HS6ST3: variants seen among roughly 807,000 people sequenced by gnomAD.
HS6ST3 encodes the protein heparan-sulfate 6-O-sulfotransferase 3.
HS6ST3 carries 12 observed loss-of-function variants against 36.7 expected under a neutral mutation model. The observed-to-expected ratio is 0.33, with a 90% CI of 0.21 to 0.53. The LOEUF (loss-of-function observed/expected upper bound fraction) is 0.53. Ranked by LOEUF, HS6ST3 falls within the 20% of genes least tolerant of loss-of-function variation. The pLI is 0.95. For synonymous variants in HS6ST3, 240 were observed against 257.5 expected, an observed-to-expected ratio of 0.93 and a Z score of 0.65; for missense variants, 584 against 640.9, an observed-to-expected ratio of 0.91 and a Z score of 0.96.
chr13:96,570,690 G>C (rs115006911), intron 1 of HS6ST3, among the ~76,000 whole-genome samples: 1 of 152,208 alleles, frequency 6.6e-6, no homozygotes, highest in Non-Finnish European at 1.5e-5. Flanking sequence ...AAAGCATGTT[G>C]GCAGGGGTAA....
chr13:96,239,798 A>G (rs1242754944), intron 1 of HS6ST3, among the ~76,000 whole-genome samples: 1 of 152,328 alleles, frequency 6.6e-6, no homozygotes, highest in Non-Finnish European at 1.5e-5. Flanking sequence ...CCTTTAAATC[A>G]ATGAAATTCC....
At chr13:96,216,098 A>G (rs1310266380) in intron 1 of HS6ST3, among the ~76,000 whole-genome samples, 1 of 152,190 alleles carries the variant, frequency 6.6e-6, no homozygotes, top group African/African-American at 2.4e-5. Flanking sequence ...TTCCTCATCC[A>G]TCCAACAATC....
chr13:96,720,770 TA>T, intron 1 of HS6ST3, among the ~76,000 whole-genome samples: 1 of 152,370 alleles, frequency 6.6e-6, no homozygotes, highest in South Asian at 2.1e-4. Flanking sequence ...TGTATCTTGA[TA>T]GGCCTCTGGC....
intron 1 of HS6ST3, among the ~76,000 whole-genome samples, chr13:96,401,991 T>C (rs2055454242): frequency 1.3e-5 from 2 of 152,216 alleles, no homozygotes; most frequent in South Asian, 4.1e-4. Flanking sequence ...TGTTTGTTTT[T>C]GAGATGATGT....
At chr13:96,337,482 C>T (rs2055107898) in intron 1 of HS6ST3, among the ~76,000 whole-genome samples, 1 of 152,158 alleles carries the variant, frequency 6.6e-6, no homozygotes, top group Non-Finnish European at 1.5e-5. Flanking sequence ...TCTATTCCTA[C>T]AGTTGTTTTC....
intron 1 of HS6ST3, among the ~76,000 whole-genome samples, chr13:96,335,338 G>A (rs569981587): frequency 1.3e-5 from 2 of 152,296 alleles, no homozygotes; most frequent in Non-Finnish European, 2.9e-5. Context: ...CCAAGTGATG[G>A]TATATTTACT....
At chr13:96,160,089 A>G (rs55799905) in intron 1 of HS6ST3, among the ~76,000 whole-genome samples, 3,364 of 152,364 alleles carry the variant, frequency 0.022, 65 homozygotes, top group Non-Finnish European at 0.036. Flanking sequence ...TAAGCACTCA[A>G]TAGCTAATAA....
rs576146323 is a variant in HS6ST3 at position 96,274,642 on chromosome 13, A to G, written c.707+183073A>G. ...TTTGGAAACAGCTAGCTGGAAAATGATGAGTTGTGGGGACAAGGGACTAAG... is the reference window on the plus strand; with the variant it reads ...TTTGGAAACAGCTAGCTGGAAAATGGTGAGTTGTGGGGACAAGGGACTAAG... On this transcript the variant is annotated intron_variant, in intron 1 of 1. Coordinates refer to ENST00000376705, the MANE Select transcript of HS6ST3 (RefSeq NM_153456.4). Among the ~76,000 whole-genome samples the G allele has an allele frequency of 7.9e-5, 12 of 152,244 alleles. No homozygotes were observed. The East Asian group carries it at 2.3e-3, about 29-fold the overall frequency.
At chr13:96,588,062 A>T (rs534554220) in intron 1 of HS6ST3, among the ~76,000 whole-genome samples, 4 of 152,134 alleles carry the variant, frequency 2.6e-5, no homozygotes, top group African/African-American at 9.7e-5. Flanking sequence ...GTTTGCTCTT[A>T]GTCAATAGAA....
chr13:96,173,224 T>G (rs2054196491), intron 1 of HS6ST3, among the ~76,000 whole-genome samples: 1 of 152,114 alleles, frequency 6.6e-6, no homozygotes, highest in Non-Finnish European at 1.5e-5. Flanking sequence ...CTCTGTAAAC[T>G]AGGTGTGATT....
chr13:96,496,075 G>C (rs1423484714), intron 1 of HS6ST3, among the ~76,000 whole-genome samples: 3 of 152,224 alleles, frequency 2.0e-5, no homozygotes, highest in Non-Finnish European at 4.4e-5. Context: ...AGGGTGAGAA[G>C]TGAGGGCAGT....
chr13:96,580,571 A>G (rs934553864), intron 1 of HS6ST3, among the ~76,000 whole-genome samples: 1 of 152,070 alleles, frequency 6.6e-6, no homozygotes, highest in Non-Finnish European at 1.5e-5. Context: ...TTTGACTTTG[A>G]ACCTTTTAAA....
intron 1 of HS6ST3, among the ~76,000 whole-genome samples, chr13:96,702,898 A>T (rs1875324902): frequency 6.6e-6 from 1 of 152,232 alleles, no homozygotes; most frequent in Non-Finnish European, 1.5e-5. Flanking sequence ...CAGGAATGAT[A>T]TACTTGGAAG....
At chr13:96,092,023 T>C (rs1404272046) in intron 1 of HS6ST3, among the ~76,000 whole-genome samples, 2 of 152,124 alleles carry the variant, frequency 1.3e-5, no homozygotes, top group Admixed American at 1.3e-4. Flanking sequence ...CCAGGCGTGG[T>C]GAAGCTGGAG....
At chr13:96,531,130 C>A (rs1000797223) in intron 1 of HS6ST3, among the ~76,000 whole-genome samples, 2 of 152,142 alleles carry the variant, frequency 1.3e-5, no homozygotes, top group African/African-American at 4.8e-5. Context: ...TCTACACACT[C>A]TCCTTTCTGC....
chr13:96,712,296 A>T (rs1214489668), intron 1 of HS6ST3, among the ~76,000 whole-genome samples: 1 of 152,182 alleles, frequency 6.6e-6, no homozygotes, highest in Non-Finnish European at 1.5e-5. Context: ...ACATAAATTC[A>T]TCTCTCTTGA....
intron 1 of HS6ST3, among the ~76,000 whole-genome samples, chr13:96,196,457 C>T (rs2054313145): frequency 6.6e-6 from 1 of 152,034 alleles, no homozygotes; most frequent in South Asian, 2.1e-4. Context: ...ACTGTGTTGA[C>T]AGAAATCCCC....
chr13:96,109,215 T>C (rs2053856809), intron 1 of HS6ST3, among the ~76,000 whole-genome samples: 1 of 152,162 alleles, frequency 6.6e-6, no homozygotes, highest in Admixed American at 6.5e-5. Flanking sequence ...ATACATGAGA[T>C]TTTCCGGTAG....
intron 1 of HS6ST3, among the ~76,000 whole-genome samples, chr13:96,619,723 C>G (rs1252492959): frequency 6.6e-6 from 1 of 152,188 alleles, no homozygotes; most frequent in Non-Finnish European, 1.5e-5. Context: ...CTATCTCATT[C>G]TGGTTATTGT....
Sources: allele counts gnomAD v4.1 joint callset (sites outside exome capture counted in the v4.1 genomes callset), GRCh38; gene constraint gnomAD v4.1.1; transcripts MANE v1.5; gene names NCBI Gene and HGNC (gene_info 2026-07-23, HGNC 2026-07-21).